Variants in CTSH observed in about 807,000 individuals in gnomAD.
The protein encoded by CTSH is cathepsin H.
CTSH carries 52 observed loss-of-function variants against 56.3 expected under a neutral mutation model. That is an observed-to-expected ratio of 0.92 (90% CI 0.74 to 1.16). The LOEUF (loss-of-function observed/expected upper bound fraction) is 1.16. Among genes scored for constraint, CTSH ranks in the 50% most tolerant of loss-of-function variants. CTSH has a pLI of 0.00. For synonymous variants in CTSH, 174 were observed against 155.7 expected, an observed-to-expected ratio of 1.12 and a Z score of -0.88; for missense variants, 406 against 424.5, an observed-to-expected ratio of 0.96 and a Z score of 0.38.
intron 1 of CTSH, among the ~76,000 whole-genome samples, chr15:78,943,578 A>C (rs1272159871): frequency 6.6e-6 from 1 of 152,182 alleles, no homozygotes; most frequent in Non-Finnish European, 1.5e-5. Flanking sequence ...GGTTTCTTAC[A>C]ATTTTAAATG....
intron 5 of CTSH, chr15:78,933,413 C>G (rs1342485131): frequency 1.4e-5 from 5 of 354,982 alleles, no homozygotes; most frequent in Middle Eastern, 3.9e-4. Context: ...CTCTCAGGTT[C>G]ATCTCTGTTT....
At chr15:78,939,098 T>C (rs951278586) in intron 2 of CTSH, 42 bp downstream of exon 2, 3 of 1,555,830 alleles carry the variant, frequency 1.9e-6, no homozygotes, top group Non-Finnish European at 2.6e-6. Context: ...CAGGAAACTT[T>C]GTGAAATGAA....
At chr15:78,937,480 G>T (rs762415276) in intron 2 of CTSH, 57 bp from the exon 3 acceptor site, 10 of 1,493,512 alleles carry the variant, frequency 6.7e-6, no homozygotes, top group African/African-American at 2.8e-5. Context: ...TCCCTAGAGG[G>T]AGACCTTTTT....
At position 78,929,306 on chromosome 15, in the gene CTSH, G is replaced by C. The variant is rs557109231; in HGVS notation, c.630+106C>G. The C allele has an allele frequency of 1.5e-4, 124 of 853,038 alleles. 2 individuals are homozygous for C. In the African/African-American group the frequency reaches 1.7e-3, roughly 12 times the overall value. The allele number at this position is 853,038 out of a possible 1,614,324, so 52.8% of individuals were successfully genotyped here. A position where few individuals can be genotyped will look rare whatever the true frequency, so the allele number is the denominator to read the frequency against. On this transcript the variant is annotated intron_variant, in intron 8 of 11. Transcript: ENST00000220166. ...GAGAACAGACAATTGTGAGAATTCC[G>C]GCGGGAGGGAGGTGGGGGGAGAAGG...
chr15:78,927,670 C>A (rs1277207889), intron 9 of CTSH, 43 bp downstream of exon 9: 2 of 1,580,728 alleles, frequency 1.3e-6, no homozygotes, highest in Non-Finnish European at 1.7e-6. Flanking sequence ...GAGGCCTCCT[C>A]ATCAGGACAC....
At chr15:78,939,371 G>C (rs1388874423) in intron 1 of CTSH, among the ~76,000 whole-genome samples, 200 bp from the exon 2 acceptor site, 2 of 152,208 alleles carry the variant, frequency 1.3e-5, no homozygotes, top group Non-Finnish European at 2.9e-5. Flanking sequence ...ATGTGAAAAA[G>C]TATATACTAT....
At chr15:78,930,410 C>CGG (rs2055026043) in intron 7 of CTSH, among the ~76,000 whole-genome samples, 1 of 152,056 alleles carries the variant, frequency 6.6e-6, no homozygotes, top group Non-Finnish European at 1.5e-5. Flanking sequence ...GCCTGTAATC[C>CGG]CAGCTCCCTG....
intron 6 of CTSH, 146 bp from the exon 7 acceptor site, chr15:78,931,652 A>C: frequency 6.6e-7 from 1 of 1,517,866 alleles, no homozygotes; most frequent in Non-Finnish European, 8.8e-7. Context: ...CCCCAAGGGC[A>C]GGGACAGTTG....
chr15:78,925,287 C>T, intron 10 of CTSH, 47 bp downstream of exon 10: 1 of 1,268,710 alleles, frequency 7.9e-7, no homozygotes, highest in Non-Finnish European at 1.2e-6. Context: ...GGAGGCCCAC[C>T]AAGCCCCTCC....
chr15:78,924,783 A>G (rs535803672), intron 10 of CTSH, among the ~76,000 whole-genome samples: 19 of 149,080 alleles, frequency 1.3e-4, no homozygotes, highest in African/African-American at 2.2e-4. Flanking sequence ...TCCACCTCCT[A>G]GGTTCAAGCC....
At chr15:78,931,899 A>G (rs1211423651) in intron 6 of CTSH, 2 of 1,209,592 alleles carry the variant, frequency 1.7e-6, no homozygotes, top group African/African-American at 3.1e-5. Context: ...TCATGGCATC[A>G]CCAGGCCGGC....
chr15:78,922,331 T>G, intron 11 of CTSH, 126 bp from the exon 12 acceptor site: 1 of 735,690 alleles, frequency 1.4e-6, no homozygotes, highest in South Asian at 1.6e-5. Flanking sequence ...CATAAAACAG[T>G]AGCATTCGGC....
intron 11 of CTSH, 56 bp downstream of exon 11, chr15:78,922,937 G>A: frequency 1.9e-6 from 3 of 1,557,166 alleles, no homozygotes; most frequent in Non-Finnish European, 2.6e-6. Flanking sequence ...TGCCCCCAGG[G>A]CCTCCAGGCC....
intron 5 of CTSH, among the ~76,000 whole-genome samples, chr15:78,933,865 G>A (rs1433436985): frequency 6.6e-6 from 1 of 152,224 alleles, no homozygotes; most frequent in African/African-American, 2.4e-5. Context: ...CACAGTAAGA[G>A]ACGGCACACA....
intron 5 of CTSH, chr15:78,933,510 T>G (rs936492172): frequency 1.3e-5 from 6 of 454,706 alleles, no homozygotes; most frequent in African/African-American, 1.2e-4. Flanking sequence ...TCACCCTAGG[T>G]TGACACTGGC....
At chr15:78,941,981 T>C (rs2055304496) in intron 1 of CTSH, among the ~76,000 whole-genome samples, 1 of 152,100 alleles carries the variant, frequency 6.6e-6, no homozygotes, top group Admixed American at 6.6e-5. Flanking sequence ...TCCCCCGCAA[T>C]GGATTTATAT....
intron 1 of CTSH, chr15:78,944,566 G>T: frequency 3.7e-6 from 1 of 269,964 alleles, no homozygotes. Flanking sequence ...AGAGTCCTCT[G>T]TGTGACACTC....
chr15:78,936,200 T>G (rs1431180839), intron 3 of CTSH, among the ~76,000 whole-genome samples: 2 of 88,710 alleles, frequency 2.3e-5, no homozygotes, highest in Non-Finnish European at 4.7e-5. Flanking sequence ...TTTTTTTTTT[T>G]GAGACAGAGT....
intron 3 of CTSH, 111 bp downstream of exon 3, chr15:78,937,207 T>A (rs1201451189): frequency 1.2e-6 from 1 of 811,706 alleles, no homozygotes; most frequent in African/African-American, 1.7e-5. Flanking sequence ...CAAACACAGC[T>A]TCAGAGCCTG....
Sources: allele counts gnomAD v4.1 joint callset (sites outside exome capture counted in the v4.1 genomes callset), GRCh38; gene constraint gnomAD v4.1.1; transcripts MANE v1.5; gene names NCBI Gene and HGNC (gene_info 2026-07-23, HGNC 2026-07-21).